PALLD: variants seen among roughly 807,000 people sequenced by gnomAD.
PALLD encodes palladin, cytoskeletal associated protein.
In PALLD, 61 loss-of-function variants were observed where a neutral mutation model predicts 123.5. The observed-to-expected ratio is 0.49, with a 90% CI of 0.40 to 0.61. PALLD has a LOEUF of 0.61. Ranked by LOEUF, PALLD falls within the 20% of genes least tolerant of loss-of-function variation. PALLD has a pLI of 0.00. For synonymous variants in PALLD, 465 were observed against 496.4 expected (o/e 0.94, Z 0.84); for missense variants, 1,273 against 1,377.0 (o/e 0.92, Z 1.20).
chr4:168,725,291 C>T (rs1166632913), intron 10 of PALLD, among the ~76,000 whole-genome samples: 1 of 152,154 alleles, frequency 6.6e-6, no homozygotes, highest in Admixed American at 6.5e-5. Flanking sequence ...CAATTTCAAA[C>T]TTCTGCTTTC....
chr4:168,865,028 G>T (rs1245313841), intron 10 of PALLD, among the ~76,000 whole-genome samples: 1 of 152,136 alleles, frequency 6.6e-6, no homozygotes, highest in Non-Finnish European at 1.5e-5. Context: ...TTATTTTCGT[G>T]GTTTTAGTCA....
At chr4:168,526,391 C>A (rs959637853) in intron 2 of PALLD, among the ~76,000 whole-genome samples, 26 of 152,176 alleles carry the variant, frequency 1.7e-4, no homozygotes, top group African/African-American at 6.3e-4. Context: ...ACAGTTTGTT[C>A]TGGTTGAAAT....
intron 2 of PALLD, among the ~76,000 whole-genome samples, chr4:168,524,036 C>T (rs890534553): frequency 6.6e-6 from 1 of 152,176 alleles, no homozygotes; most frequent in Admixed American, 6.5e-5. Flanking sequence ...TGTATAAATT[C>T]ACTTATTCCA....
At chr4:168,807,277 G>GCA (rs72123198) in intron 10 of PALLD, among the ~76,000 whole-genome samples, 1,955 of 144,802 alleles carry the variant, frequency 0.014, 15 homozygotes, top group Middle Eastern at 0.035. Context: ...ACACACACAC[G>GCA]CACACACACA....
In PALLD at chr4:168,511,567, C is replaced by G. The variant is rs1221889423; in HGVS notation, c.63C>G (p.Ser21Arg). The change falls in exon 2 of 22, where the codon AGC (serine) becomes AGG (arginine). Residue 21 changes from serine to arginine, a missense_variant. By Grantham distance (110) the Ser-to-Arg change is moderately radical. This residue lies in a region of PALLD where 944 missense variants were observed against 954.5 expected (regional missense o/e 0.99). Coordinates refer to ENST00000505667, the MANE Select transcript of PALLD (RefSeq NM_001166108.2). ...YDSLSDMQEE[S>R]KNTDFFPGLS... ...CCCTCTCAGACATGCAGGAAGAAAG[C>G]AAGAATACTGACTTCTTCCCGGGCC... The G allele has an allele frequency of 1.2e-6, 2 of 1,613,888 alleles. No homozygotes were observed. The highest frequency in any genetic ancestry group is 2.7e-5 in the African/African-American group (2 of 74,920).
intron 2 of PALLD, among the ~76,000 whole-genome samples, chr4:168,542,707 C>A (rs2079619908): frequency 1.9e-5 from 2 of 103,310 alleles, no homozygotes; most frequent in South Asian, 3.1e-4. Flanking sequence ...TTTCTCCCAG[C>A]TAACCTTTCC....
At chr4:168,918,174 C>G (rs1214689886) in intron 17 of PALLD, among the ~76,000 whole-genome samples, 2 of 150,856 alleles carry the variant, frequency 1.3e-5, no homozygotes, top group Non-Finnish European at 3.0e-5. Flanking sequence ...CAGAACAAGA[C>G]TCCCCGTCTC....
intron 2 of PALLD, among the ~76,000 whole-genome samples, chr4:168,615,745 A>G (rs1774165321): frequency 6.6e-6 from 1 of 152,140 alleles, no homozygotes; most frequent in African/African-American, 2.4e-5. Context: ...TCTTTGAGGT[A>G]TCACTCACCA....
chr4:168,696,054 A>G (rs1014670261), intron 8 of PALLD, among the ~76,000 whole-genome samples: 1 of 152,010 alleles, frequency 6.6e-6, no homozygotes, highest in African/African-American at 2.4e-5. Flanking sequence ...AAAAAATCTC[A>G]TAATGTTTTA....
At chr4:168,879,928 T>C (rs1279756226) in intron 10 of PALLD, among the ~76,000 whole-genome samples, 1 of 151,856 alleles carries the variant, frequency 6.6e-6, no homozygotes, top group Non-Finnish European at 1.5e-5. Flanking sequence ...ACAAAGAAGC[T>C]GTTAGAGAGA....
chr4:168,810,075 A>G (rs1251254236), intron 10 of PALLD, among the ~76,000 whole-genome samples: 2 of 151,832 alleles, frequency 1.3e-5, no homozygotes, highest in African/African-American at 4.8e-5. Flanking sequence ...GAGGAATTAG[A>G]TTTGGTGTCT....
At chr4:168,833,832 A>C (rs539692383) in intron 10 of PALLD, among the ~76,000 whole-genome samples, 1 of 150,198 alleles carries the variant, frequency 6.7e-6, no homozygotes, top group African/African-American at 2.5e-5. Flanking sequence ...GATTTTCCCC[A>C]TGTCTGTTTA....
intron 2 of PALLD, among the ~76,000 whole-genome samples, chr4:168,646,232 C>T (rs780517077): frequency 5.9e-5 from 9 of 152,212 alleles, no homozygotes; most frequent in Admixed American, 1.3e-4. Context: ...TCCCATATCT[C>T]GTGCCCAAAT....
At chr4:168,667,525 C>T (rs1779770689) in intron 2 of PALLD, among the ~76,000 whole-genome samples, 1 of 152,156 alleles carries the variant, frequency 6.6e-6, no homozygotes, top group African/African-American at 2.4e-5. Context: ...TGTGTTCAAA[C>T]AGTCTGGCAG....
At chr4:168,913,837 GTC>G (rs2151406238) in intron 15 of PALLD, 88 bp from the exon 16 acceptor site, 1 of 897,900 alleles carries the variant, frequency 1.1e-6, no homozygotes, top group Admixed American at 1.7e-5. Context: ...ATGAAATAAT[GTC>G]TTATAGAGAA....
At chr4:168,667,021 T>C (rs560815676) in intron 2 of PALLD, among the ~76,000 whole-genome samples, 15 of 152,224 alleles carry the variant, frequency 9.9e-5, no homozygotes, top group Non-Finnish European at 1.8e-4. Context: ...TTATTGTATG[T>C]TCTTTAATTC....
intron 2 of PALLD, among the ~76,000 whole-genome samples, chr4:168,658,882 T>C (rs1345993883): frequency 6.6e-6 from 1 of 152,214 alleles, no homozygotes; most frequent in Non-Finnish European, 1.5e-5. Context: ...TTTGGGGCCA[T>C]AAGGTTAAAG....
chr4:168,884,267 G>T (rs904677330), intron 10 of PALLD, among the ~76,000 whole-genome samples: 1 of 152,130 alleles, frequency 6.6e-6, no homozygotes, highest in African/African-American at 2.4e-5. Context: ...AATTACGTTA[G>T]TCCAGTGAGA....
intron 10 of PALLD, among the ~76,000 whole-genome samples, chr4:168,850,346 T>C (rs912105257): frequency 6.6e-6 from 1 of 151,808 alleles, no homozygotes; most frequent in African/African-American, 2.4e-5. Flanking sequence ...TCTAAAATGG[T>C]TTGTTTTTAA....
Sources: gnomAD v4.1 joint callset for allele counts (sites outside exome capture counted in the v4.1 genomes callset) on GRCh38, gnomAD v4.1.1 for gene constraint, gnomAD v4.1.1 regional missense constraint, MANE v1.5 for transcripts, NCBI Gene and HGNC (gene_info 2026-07-23, HGNC 2026-07-21) for gene names.